The following LRRC74A variants were observed in gnomAD, a reference collection of about 807,000 sequenced individuals.
LRRC74A encodes leucine-rich repeat-containing protein 74A.
A neutral mutation model predicts 57.9 loss-of-function variants in LRRC74A; 44 were observed. The observed-to-expected ratio is 0.76, with a 90% confidence interval of 0.60 to 0.98. LRRC74A has a LOEUF of 0.98. Among genes scored for constraint, LRRC74A ranks in the 50% least tolerant of loss-of-function variants. The pLI, the probability that LRRC74A is intolerant of heterozygous loss-of-function variation, is 0.00. For synonymous variants in LRRC74A, 211 were observed against 219.4 expected (o/e 0.96, Z 0.34); for missense variants, 572 against 574.0 (o/e 1.00, Z 0.04).
intron 13 of LRRC74A, among the ~76,000 whole-genome samples, chr14:76,868,288 C>G (rs1388432948): frequency 6.6e-6 from 1 of 152,064 alleles, no homozygotes; most frequent in Middle Eastern, 3.2e-3. Context: ...GATAGCAAGA[C>G]CCCCGTCTCT....
In LRRC74A at chr14:76,844,458, T is replaced by C. The variant is rs1319425615; in HGVS notation, c.580T>C (p.Cys194Arg). 1.2e-6 allele frequency: 2 copies of C among 1,612,022 alleles called. No homozygotes were observed. The highest frequency in any genetic ancestry group is 2.7e-5 in the African/African-American group (2 of 74,884). ...CAAGGAAGACTCCGCAGCACTGCTC[T>C]GCCAAGCCCTGTCGGTAAGAGGCAG... ...DFKEDSAALLCQALSTNYQIK... is the reference protein window; with the variant it reads ...DFKEDSAALLRQALSTNYQIK... Residue 194 changes from cysteine (C) to arginine (R), a missense_variant, in exon 6 of 14, where the codon TGC (cysteine) becomes CGC (arginine). Coordinates refer to ENST00000689127, the MANE Select transcript of LRRC74A (RefSeq NM_001385106.1).
At chr14:76,836,791 C>CAAA (rs11339843) in intron 4 of LRRC74A, among the ~76,000 whole-genome samples, 4 of 92,898 alleles carry the variant, frequency 4.3e-5, no homozygotes, top group Non-Finnish European at 6.2e-5. Context: ...GACTCCATCT[C>CAAA]AAAAAAAAAA....
intron 7 of LRRC74A, among the ~76,000 whole-genome samples, chr14:76,845,747 G>C (rs142202886): frequency 6.6e-6 from 1 of 152,234 alleles, no homozygotes; most frequent in Non-Finnish European, 1.5e-5. Context: ...CAGGCTGGGC[G>C]TGGTGGCTTA....
chr14:76,829,673 A>C (rs1895834250), intron 2 of LRRC74A, among the ~76,000 whole-genome samples: 2 of 152,242 alleles, frequency 1.3e-5, no homozygotes, highest in Non-Finnish European at 2.9e-5. Flanking sequence ...CCCAGGGACA[A>C]AACCTGGGGG....
intron 13 of LRRC74A, among the ~76,000 whole-genome samples, chr14:76,869,147 A>G (rs988462397): frequency 6.8e-6 from 1 of 146,510 alleles, no homozygotes; most frequent in Non-Finnish European, 1.5e-5. Flanking sequence ...CCTGCCCCGT[A>G]CCTAAAGTGG....
intron 7 of LRRC74A, among the ~76,000 whole-genome samples, chr14:76,850,089 C>T (rs749515651): frequency 3.3e-5 from 5 of 150,568 alleles, no homozygotes; most frequent in East Asian, 2.0e-4. Context: ...GTGCCTGTAG[C>T]CCCAGCTACT....
At chr14:76,862,889 G>A (rs1898426783) in intron 11 of LRRC74A, among the ~76,000 whole-genome samples, 1 of 152,202 alleles carries the variant, frequency 6.6e-6, no homozygotes, top group Non-Finnish European at 1.5e-5. Context: ...TTTAGGCTCT[G>A]AGTTCGAGTT....
chr14:76,837,011 G>A (rs1430201150), intron 4 of LRRC74A, among the ~76,000 whole-genome samples: 5 of 150,986 alleles, frequency 3.3e-5, no homozygotes, highest in African/African-American at 1.2e-4. Context: ...GCATGGTGGT[G>A]TGTGCCTGTA....
chr14:76,849,825 CA>C (rs976995811), intron 7 of LRRC74A, among the ~76,000 whole-genome samples: 17 of 139,042 alleles, frequency 1.2e-4, no homozygotes, highest in South Asian at 2.3e-4. Flanking sequence ...ACCCAAAAAA[CA>C]AAAAAAAAAC....
intron 10 of LRRC74A, among the ~76,000 whole-genome samples, chr14:76,859,291 T>A: frequency 6.6e-6 from 1 of 151,930 alleles, no homozygotes; most frequent in East Asian, 1.9e-4. Flanking sequence ...TCCCAGCACT[T>A]TGGGAGGCCG....
intron 9 of LRRC74A, among the ~76,000 whole-genome samples, chr14:76,855,839 A>C (rs1205883668): frequency 2.0e-5 from 3 of 152,242 alleles, no homozygotes; most frequent in Admixed American, 6.5e-5. Context: ...ACTATTGTTC[A>C]TTGACAGCAT....
At position 76,853,313 on chromosome 14, in the gene LRRC74A, T is replaced by C. The variant is rs748515467; in HGVS notation, c.860T>C (p.Leu287Pro). The C allele has an allele frequency of 6.2e-7, 1 of 1,613,166 alleles. No homozygotes were observed. Among genetic ancestry groups the C allele is most frequent in the Non-Finnish European group, 8.5e-7 (1 of 1,179,458 alleles). Residue 287 changes from leucine (L) to proline (P), a missense_variant, in exon 9 of 14, where the codon CTG becomes CCG. Transcript: ENST00000689127. ...LGEVLRLNRCLVYLDIGGNDI... is the reference protein window; with the variant it reads ...LGEVLRLNRCPVYLDIGGNDI... ...GAAGTCCTCCGACTCAACCGCTGCCTGGTCTACCTGGATATCGGTGGCAAT... is the reference window on the plus strand; with the variant it reads ...GAAGTCCTCCGACTCAACCGCTGCCCGGTCTACCTGGATATCGGTGGCAAT...
chr14:76,867,407 C>T lies in LRRC74A; in HGVS notation c.1360C>T (p.Leu454Phe), dbSNP rs1202616073. Residue 454 changes from leucine (L) to phenylalanine (F), a missense_variant, in exon 13 of 14, where the codon CTC (leucine) becomes TTC (phenylalanine). Physicochemically the swap from Leu to Phe is conservative, Grantham distance 22. Coordinates refer to ENST00000689127, the MANE Select transcript of LRRC74A (RefSeq NM_001385106.1). ...CCAGGTCAGGGAGGTGATAAAGAAG[C>T]TCGATGAGAAGACAGGCATGGTGAA... is the stretch of plus-strand genomic sequence containing the variant. ...QYQVREVIKK[L>F]DEKTGMVNFS... 1 of 1,603,240 alleles carries T rather than the reference C, an allele frequency of 6.2e-7. No homozygotes were observed. The highest frequency in any genetic ancestry group is 8.5e-7 in the Non-Finnish European group (1 of 1,171,238).
intron 5 of LRRC74A, among the ~76,000 whole-genome samples, chr14:76,838,782 G>A (rs534091587): frequency 6.6e-6 from 1 of 152,142 alleles, no homozygotes; most frequent in Non-Finnish European, 1.5e-5. Context: ...CTATAAAGAC[G>A]GGTTGTCCCC....
chr14:76,859,662 C>CTTTTTTTTTTTTTTTTTTTT (rs1025552496), intron 10 of LRRC74A, among the ~76,000 whole-genome samples: 2 of 80,902 alleles, frequency 2.5e-5, no homozygotes, highest in Non-Finnish European at 4.6e-5. Context: ...CTGAATTAGC[C>CTTTTTTTTTTTTTTTTTTTT]TTTTTTTTTT....
At chr14:76,844,747 T>C (rs759545993) in intron 6 of LRRC74A, 73 bp from the exon 7 acceptor site, 19 of 852,908 alleles carry the variant, frequency 2.2e-5, no homozygotes, top group Non-Finnish European at 3.5e-5. Flanking sequence ...ACCATCATAC[T>C]GCCCTGAGAT....
At chr14:76,856,148 C>G (rs187594628) in intron 9 of LRRC74A, among the ~76,000 whole-genome samples, 10 of 152,362 alleles carry the variant, frequency 6.6e-5, no homozygotes, top group Admixed American at 3.9e-4. Context: ...ACATCTCTTG[C>G]TGTTTCACAC....
At chr14:76,836,172 C>A in intron 3 of LRRC74A, 35 bp from the exon 4 acceptor site, 1 of 1,516,682 alleles carries the variant, frequency 6.6e-7, no homozygotes, top group Non-Finnish European at 9.1e-7. Context: ...CCAACCACTT[C>A]TGTGTCTCTC....
rs543831188 is a variant in LRRC74A, at chr14:76,827,024, C to A, written c.37+290C>A. On this transcript the variant is annotated intron_variant, in intron 1 of 13. Transcript: ENST00000689127. ...ATCAGTCACATTGGGAATATTTACACCACATGAATTGGCTAACACTATAAA... is the reference window on the plus strand; with the variant it reads ...ATCAGTCACATTGGGAATATTTACAACACATGAATTGGCTAACACTATAAA... Among the ~76,000 whole-genome samples, 3 of 152,324 alleles carry A rather than the reference C, an allele frequency of 2.0e-5. No homozygotes were observed. In the South Asian group the frequency reaches 6.2e-4, roughly 32 times the overall value.
Sources: gnomAD v4.1 joint callset for allele counts (sites outside exome capture counted in the v4.1 genomes callset) on GRCh38, gnomAD v4.1.1 for gene constraint, MANE v1.5 for transcripts, NCBI Gene and HGNC (gene_info 2026-07-23, HGNC 2026-07-21) for gene names.